SCUBE1: variants seen among roughly 807,000 people sequenced by gnomAD.
SCUBE1 encodes the protein signal peptide, CUB and EGF-like domain-containing protein 1.
Under a neutral mutation model 124.4 loss-of-function variants are expected in SCUBE1, and 59 were observed. The ratio of observed to expected loss-of-function variants is 0.47; its 90% CI spans 0.38 to 0.59. SCUBE1 has a LOEUF of 0.59. Among genes scored for constraint, SCUBE1 ranks in the 20% least tolerant of loss-of-function variants. The pLI is 0.00. For synonymous variants in SCUBE1, 545 were observed against 550.9 expected (o/e 0.99, Z 0.15); for missense variants, 1,150 against 1,371.2 (o/e 0.84, Z 2.55).
At chr22:43,228,974 G>A (rs1346713506) in intron 9 of SCUBE1, 98 bp downstream of exon 9, 1 of 866,656 alleles carries the variant, frequency 1.2e-6, no homozygotes, top group Non-Finnish European at 1.9e-6. Flanking sequence ...GCCCCCCAGG[G>A]TTGAGGGCAG....
At chr22:43,317,580 A>G (rs564041335) in intron 3 of SCUBE1, among the ~76,000 whole-genome samples, 16 of 152,318 alleles carry the variant, frequency 1.1e-4, no homozygotes, top group Non-Finnish European at 2.1e-4. Context: ...TGCCAAATCC[A>G]TGCCCATATC....
intron 6 of SCUBE1, among the ~76,000 whole-genome samples, chr22:43,246,497 G>A (rs1307691375): frequency 1.3e-5 from 2 of 152,228 alleles, no homozygotes; most frequent in East Asian, 3.8e-4. Flanking sequence ...TCAGGCTCAT[G>A]CCAGGCCCTG....
chr22:43,247,873 A>G (rs982518121), intron 6 of SCUBE1, among the ~76,000 whole-genome samples: 2 of 152,350 alleles, frequency 1.3e-5, no homozygotes. Context: ...TCCAGTGGAC[A>G]TCAGTATTAC....
At chr22:43,224,804 A>T (rs1922238615) in intron 10 of SCUBE1, among the ~76,000 whole-genome samples, 1 of 152,134 alleles carries the variant, frequency 6.6e-6, no homozygotes, top group Admixed American at 6.5e-5. Flanking sequence ...TTGACTGATG[A>T]AAGTGATGAT....
intron 3 of SCUBE1, among the ~76,000 whole-genome samples, chr22:43,301,235 G>C (rs900740971): frequency 6.6e-6 from 1 of 152,132 alleles, no homozygotes; most frequent in African/African-American, 2.4e-5. Flanking sequence ...CTCTGGCCTG[G>C]ATTCTCGAAC....
chr22:43,234,641 C>G lies in SCUBE1; in HGVS notation c.845-2766G>C, dbSNP rs1044331882. Among the ~76,000 whole-genome samples, 6 of 152,322 alleles carry G rather than the reference C, an allele frequency of 3.9e-5. No homozygotes were observed. The South Asian group carries it at 6.2e-4, about 16-fold the overall frequency. ...AGTGAAGGGGGTGCTGGGCTCATGGCCCCTGGGGTGCAGCTTTTGCACCTC... is the reference window on the plus strand; with the variant it reads ...AGTGAAGGGGGTGCTGGGCTCATGGGCCCTGGGGTGCAGCTTTTGCACCTC... On this transcript the variant is annotated intron_variant, in intron 7 of 21. Transcript: ENST00000360835. This position sits in a 1 kb window ranked among gnomAD's most constrained non-coding sequence, Gnocchi z 4.4.
chr22:43,298,655 A>G (rs1925652814), intron 3 of SCUBE1, among the ~76,000 whole-genome samples: 1 of 152,204 alleles, frequency 6.6e-6, no homozygotes, highest in African/African-American at 2.4e-5. Flanking sequence ...CGCCCAGTGC[A>G]GACCGCTGGC....
chr22:43,281,784 T>C (rs1924922683), intron 4 of SCUBE1, among the ~76,000 whole-genome samples: 1 of 152,206 alleles, frequency 6.6e-6, no homozygotes, highest in Non-Finnish European at 1.5e-5. Flanking sequence ...GTGATCTTCC[T>C]AAAATGGGCT....
At chr22:43,207,487 G>A (rs537724638) in intron 21 of SCUBE1, 47 bp downstream of exon 21, 1 of 1,450,634 alleles carries the variant, frequency 6.9e-7, no homozygotes, top group Admixed American at 1.7e-5. Context: ...CTCATCACAG[G>A]CCCCATCCCA....
chr22:43,321,622 C>T (rs147144379), intron 2 of SCUBE1, among the ~76,000 whole-genome samples: 213 of 152,290 alleles, frequency 1.4e-3, no homozygotes, highest in African/African-American at 4.4e-3. Flanking sequence ...CCAGCCACAG[C>T]GAGGGAAGAA....
In SCUBE1 at chr22:43,212,480, C is replaced by A; in HGVS notation, c.2166G>T (p.Gly722=). The change falls in exon 17 of 22, where the codon GGG becomes GGT. Residue 722 remains glycine (G), a synonymous_variant. Transcript: ENST00000360835. The stretch of plus-strand genomic sequence containing the variant: ...TGCCTTCGTGTTTGGTGAGCAAACC[C>A]CCTCCACAGGGGAAGCAGCCGGTGC... ...PGRTGCFPCG[G]GLLTKHEGTT... 1 of 1,554,350 alleles carries A rather than the reference C, an allele frequency of 6.4e-7. No individual in the cohort carries two copies. The highest frequency in any genetic ancestry group is 8.7e-7 in the Non-Finnish European group (1 of 1,148,930).
chr22:43,284,285 G>A (rs895338660), intron 4 of SCUBE1, among the ~76,000 whole-genome samples: 1 of 152,358 alleles, frequency 6.6e-6, no homozygotes, highest in Admixed American at 6.5e-5. Context: ...GAAGAAAGAG[G>A]CCAAGCCGAC....
At chr22:43,289,553 T>C (rs531495987) in intron 4 of SCUBE1, among the ~76,000 whole-genome samples, 101 of 152,366 alleles carry the variant, frequency 6.6e-4, no homozygotes, top group Non-Finnish European at 1.1e-3. Flanking sequence ...ATTTCCACTT[T>C]ATTATCCTGA....
chr22:43,209,925 G>T, intron 19 of SCUBE1, 118 bp downstream of exon 19: 1 of 1,109,914 alleles, frequency 9.0e-7, no homozygotes, highest in Non-Finnish European at 1.3e-6. Flanking sequence ...GGTCCTCTGA[G>T]CCCCAGGGCC....
intron 6 of SCUBE1, among the ~76,000 whole-genome samples, chr22:43,250,857 T>A (rs34365283): frequency 0.068 from 10,334 of 152,194 alleles, 450 homozygotes; most frequent in Admixed American, 0.14. Context: ...AGGAGGAACA[T>A]CACAGCCAGA....
chr22:43,296,351 C>T (rs60770474), intron 3 of SCUBE1, among the ~76,000 whole-genome samples: 8 of 152,310 alleles, frequency 5.3e-5, no homozygotes, highest in East Asian at 1.9e-4. Flanking sequence ...GTTTCCAATC[C>T]GGGGTCCAGA....
At chr22:43,244,804 G>A (rs780051597) in intron 6 of SCUBE1, among the ~76,000 whole-genome samples, 13 of 152,252 alleles carry the variant, frequency 8.5e-5, no homozygotes, top group African/African-American at 2.4e-4. Context: ...TGGGCCCAGC[G>A]TCCCACAAAG....
intron 3 of SCUBE1, among the ~76,000 whole-genome samples, chr22:43,307,903 T>C (rs1926030521): frequency 6.6e-6 from 1 of 152,216 alleles, no homozygotes; most frequent in Non-Finnish European, 1.5e-5. Context: ...GCCTGACTTC[T>C]GCTCTGTGGG....
intron 6 of SCUBE1, among the ~76,000 whole-genome samples, chr22:43,253,891 G>T (rs1209306362): frequency 6.8e-6 from 1 of 147,258 alleles, no homozygotes; most frequent in Non-Finnish European, 1.5e-5. Flanking sequence ...GAGACCGAGG[G>T]CCCTGCCCTG....
Sources: allele counts gnomAD v4.1 joint callset (sites outside exome capture counted in the v4.1 genomes callset), GRCh38; gene constraint gnomAD v4.1.1; non-coding constraint Gnocchi (gnomAD v3.1); transcripts MANE v1.5; gene names NCBI Gene and HGNC (gene_info 2026-07-23, HGNC 2026-07-21).